Variants in FHIT observed in about 807,000 individuals in gnomAD.
FHIT encodes the protein fragile histidine triad diadenosine triphosphatase, also known as bis(5'-adenosyl)-triphosphatase.
Under a neutral mutation model 17.9 loss-of-function variants are expected in FHIT, and 19 were observed. The ratio of observed to expected loss-of-function variants is 1.06; its 90% CI spans 0.74 to 1.56. The LOEUF (loss-of-function observed/expected upper bound fraction) is 1.56. FHIT is among the 40% of genes most tolerant of loss of function. The pLI is 0.00. For synonymous variants in FHIT, 81 were observed against 69.7 expected, an observed-to-expected ratio of 1.16 and a Z score of -0.81; for missense variants, 248 against 189.2, an observed-to-expected ratio of 1.31 and a Z score of -1.82.
chr3:59,807,724 A>C (rs3112501), intron 8 of FHIT, among the ~76,000 whole-genome samples: 1 of 152,142 alleles, frequency 6.6e-6, no homozygotes, highest in Non-Finnish European at 1.5e-5. Context: ...AAGATGCACA[A>C]TTCTGGGACA....
intron 3 of FHIT, among the ~76,000 whole-genome samples, chr3:60,935,584 C>G (rs1553772870): frequency 2.0e-5 from 3 of 152,350 alleles, no homozygotes; most frequent in Middle Eastern, 3.4e-3. Flanking sequence ...TGAGCCTGCT[C>G]TCTTCTGGGC....
At chr3:60,374,242 C>T (rs187696841) in intron 5 of FHIT, among the ~76,000 whole-genome samples, 1 of 152,180 alleles carries the variant, frequency 6.6e-6, no homozygotes, top group East Asian at 1.9e-4. Flanking sequence ...CTTTCCTGAT[C>T]ATTTTAAAAG....
intron 4 of FHIT, among the ~76,000 whole-genome samples, chr3:60,668,443 A>C (rs1281033757): frequency 6.7e-6 from 1 of 149,990 alleles, no homozygotes; most frequent in Non-Finnish European, 1.5e-5. Context: ...GGACTTAGGA[A>C]ACACTCAGTT....
intron 5 of FHIT, among the ~76,000 whole-genome samples, chr3:60,370,535 T>G (rs1700285033): frequency 6.6e-6 from 1 of 152,154 alleles, no homozygotes. Context: ...ACAGAATTCC[T>G]TCTCTTGTTC....
intron 2 of FHIT, among the ~76,000 whole-genome samples, chr3:61,197,857 C>G (rs2038898340): frequency 1.3e-5 from 2 of 151,592 alleles, no homozygotes; most frequent in Non-Finnish European, 2.9e-5. Flanking sequence ...CTTCTCATTT[C>G]CAGCTCTACG....
chr3:60,884,931 GA>G (rs1705152159), intron 3 of FHIT, among the ~76,000 whole-genome samples: 1 of 115,790 alleles, frequency 8.6e-6, no homozygotes, highest in Non-Finnish European at 1.9e-5. Flanking sequence ...AAAAGAAGAA[GA>G]AGAAAAATAA....
intron 3 of FHIT, among the ~76,000 whole-genome samples, chr3:60,869,037 C>G (rs896887219): frequency 1.3e-5 from 2 of 152,054 alleles, no homozygotes; most frequent in African/African-American, 2.4e-5. Context: ...TTAACAAAAT[C>G]CCAAGGAACC....
At chr3:60,555,223 C>A (rs2036702915) in intron 4 of FHIT, among the ~76,000 whole-genome samples, 1 of 150,810 alleles carries the variant, frequency 6.6e-6, no homozygotes, top group South Asian at 2.1e-4. Flanking sequence ...TCTTCCAGGC[C>A]CTCAGAAGAT....
chr3:60,598,210 A>C (rs62249092), intron 4 of FHIT, among the ~76,000 whole-genome samples: 44,532 of 151,932 alleles, frequency 0.29, 8,030 homozygotes, highest in Admixed American at 0.43. Context: ...AAGAGAGGGC[A>C]TTTTCCAGAT....
At chr3:61,245,135 CAG>C (rs1367297522) in intron 1 of FHIT, among the ~76,000 whole-genome samples, 1 of 152,114 alleles carries the variant, frequency 6.6e-6, no homozygotes, top group Non-Finnish European at 1.5e-5. Context: ...AACAAGGAAA[CAG>C]AGCAGGATGC....
chr3:59,763,177 C>T (rs1701614954), intron 8 of FHIT, among the ~76,000 whole-genome samples: 1 of 152,216 alleles, frequency 6.6e-6, no homozygotes, highest in East Asian at 1.9e-4. Flanking sequence ...GTTGGAATCT[C>T]CTGAACATTT....
intron 4 of FHIT, among the ~76,000 whole-genome samples, chr3:60,764,262 C>A (rs1444250221): frequency 2.0e-5 from 3 of 152,090 alleles, no homozygotes; most frequent in African/African-American, 7.2e-5. Flanking sequence ...CACACACACA[C>A]ACACATATAC....
chr3:60,860,107 T>C (rs115164201), intron 3 of FHIT, among the ~76,000 whole-genome samples: 2,643 of 146,590 alleles, frequency 0.018, 290 homozygotes, highest in African/African-American at 0.064. Context: ...ATATATCTGA[T>C]ATATGATATA....
At chr3:61,248,406 C>T (rs1012175421) in intron 1 of FHIT, among the ~76,000 whole-genome samples, 13 of 152,172 alleles carry the variant, frequency 8.5e-5, no homozygotes, top group African/African-American at 3.1e-4. Context: ...TATTACCTAA[C>T]TATATGGAAA....
chr3:60,842,643 ATATTTTTTTTTT>A (rs1702775699), intron 3 of FHIT, among the ~76,000 whole-genome samples: 9 of 48,244 alleles, frequency 1.9e-4, no homozygotes, highest in Non-Finnish European at 3.7e-4. Context: ...ATATATATAT[ATATTTTTTTTTT>A]TTTTTTTTTC....
chr3:60,023,440 A>G (rs1273241329), intron 5 of FHIT, among the ~76,000 whole-genome samples: 1 of 152,214 alleles, frequency 6.6e-6, no homozygotes, highest in Admixed American at 6.5e-5. Context: ...CCAAACTCCC[A>G]CATAGACAGG....
intron 4 of FHIT, among the ~76,000 whole-genome samples, chr3:60,676,488 G>A (rs2040623812): frequency 6.6e-6 from 1 of 152,176 alleles, no homozygotes; most frequent in Non-Finnish European, 1.5e-5. Flanking sequence ...AGGGTACAGA[G>A]GTGGACAAGT....
chr3:61,140,157 C>G (rs1195023301), intron 2 of FHIT, among the ~76,000 whole-genome samples: 1 of 152,108 alleles, frequency 6.6e-6, no homozygotes, highest in Non-Finnish European at 1.5e-5. Flanking sequence ...GGCAAGTTGC[C>G]TAAACACTCT....
At chr3:59,753,693 C>G (rs1441298246) in intron 8 of FHIT, among the ~76,000 whole-genome samples, 1 of 152,078 alleles carries the variant, frequency 6.6e-6, no homozygotes, top group Non-Finnish European at 1.5e-5. Flanking sequence ...CACATTATTT[C>G]TTTGATATAC....
Sources: gnomAD v4.1 joint callset for allele counts (sites outside exome capture counted in the v4.1 genomes callset) on GRCh38, gnomAD v4.1.1 for gene constraint, MANE v1.5 for transcripts, NCBI Gene and HGNC (gene_info 2026-07-23, HGNC 2026-07-21) for gene names.